Variants in ADAM19 observed in about 807,000 individuals in gnomAD.
ADAM19 encodes disintegrin and metalloproteinase domain-containing protein 19.
Under a neutral mutation model 114.7 loss-of-function variants are expected in ADAM19, and 65 were observed. That is an observed-to-expected ratio of 0.57 (90% confidence interval 0.46 to 0.70). The LOEUF (loss-of-function observed/expected upper bound fraction) is 0.70, where lower values mean the gene tolerates loss of function less well. Among genes scored for constraint, ADAM19 ranks in the 30% least tolerant of loss-of-function variants. The pLI, the probability that ADAM19 is intolerant of heterozygous loss-of-function variation, is 0.00. For missense variants in ADAM19, 1,063 were observed against 1,204.7 expected (o/e 0.88, Z 1.74); for synonymous variants, 466 against 460.5 (o/e 1.01, Z -0.15).
chr5:157,575,199 ATGCTCGGCGTTGGCGAG>A (rs1757938116), intron 1 of ADAM19, among the ~76,000 whole-genome samples: 1 of 152,164 alleles, frequency 6.6e-6, no homozygotes, highest in Non-Finnish European at 1.5e-5. Context: ...GGCGCTCGGG[ATGCTCGGCGTTGGCGAG>A]TGCAGCGGGC....
chr5:157,505,290 G>A (rs1233548748), intron 11 of ADAM19, among the ~76,000 whole-genome samples: 1 of 152,062 alleles, frequency 6.6e-6, no homozygotes, highest in Non-Finnish European at 1.5e-5. Flanking sequence ...GTGAAGCCTG[G>A]AATTGAAACA....
chr5:157,558,694 G>C lies in ADAM19; in HGVS notation c.251+5679C>G, dbSNP rs149650741. ...GGAGGAAGCTGGGAGGGTGGAGGTGGGGAGAGCTCCACTGCCTAAGTGGTA... is the reference window on the plus strand; with the variant it reads ...GGAGGAAGCTGGGAGGGTGGAGGTGCGGAGAGCTCCACTGCCTAAGTGGTA... On this transcript the variant is annotated intron_variant, in intron 3 of 22. Transcript: ENST00000257527. Among the ~76,000 whole-genome samples, 660 of 152,248 alleles carry C rather than the reference G, an allele frequency of 4.3e-3. 5 individuals carry two copies. The highest frequency in any genetic ancestry group is 0.015 in the African/African-American group (615 of 41,526).
In ADAM19 at chr5:157,480,858, C is replaced by G. The variant is rs901887683; in HGVS notation, c.*91G>C. The G allele has an allele frequency of 1.3e-6, 2 of 1,591,918 alleles. No individual in the cohort carries two copies. Among genetic ancestry groups the G allele is most frequent in the African/African-American group, 1.3e-5 (1 of 74,274 alleles). ...GAGGAGGGTGGGAGGAGCTCAGAGG[C>G]GGCCAGACATGCTTCTTCAGGGTTC... On this transcript the variant is annotated 3_prime_UTR_variant, in exon 23 of 23. Coordinates refer to ENST00000257527, the MANE Select transcript of ADAM19 (RefSeq NM_033274.5).
In ADAM19 at chr5:157,512,556, G is replaced by T. The variant is rs568239375; in HGVS notation, c.738+878C>A. On this transcript the variant is annotated intron_variant, in intron 8 of 22. Coordinates refer to ENST00000257527, the MANE Select transcript of ADAM19 (RefSeq NM_033274.5). The stretch of plus-strand genomic sequence containing the variant: ...ACTACTAGCCTACCAAGAGGCTACT[G>T]TCATTCTAGGTTACCTATTCTGCAT... Among the ~76,000 whole-genome samples, 85 of 152,136 alleles carry T rather than the reference G, an allele frequency of 5.6e-4. 1 individual carries two copies. Among genetic ancestry groups the T allele is most frequent in the Non-Finnish European group, 1.0e-3 (70 of 68,030 alleles).
chr5:157,496,922 C>T lies in ADAM19; in HGVS notation c.1566G>A (p.Gln522=), dbSNP rs1333928274. The T allele has an allele frequency of 2.5e-6, 4 of 1,593,806 alleles. No homozygotes were observed. Among genetic ancestry groups the T allele is most frequent in the East Asian group, 2.3e-5 (1 of 43,120 alleles). The change falls in exon 14 of 23, where the codon CAG becomes CAA. Residue 522 remains glutamine (Q), a synonymous_variant. Coordinates refer to ENST00000257527, the MANE Select transcript of ADAM19 (RefSeq NM_033274.5). ...GTCCCCACAGCTGCTGGCACTGCTC[C>T]TGGTAGGTGAGGCACATGCCGTTGT... ...YCYNGMCLTY[Q]EQCQQLWGPG... is the part of the protein sequence containing the mutation.
chr5:157,564,562 T>C (rs1757600969), intron 2 of ADAM19, 119 bp from the exon 3 acceptor site: 1 of 834,082 alleles, frequency 1.2e-6, no homozygotes, highest in African/African-American at 1.7e-5. Context: ...TGAGCAAAGG[T>C]CAATTGCATT....
At chr5:157,539,710 G>A (rs1756866136) in intron 3 of ADAM19, among the ~76,000 whole-genome samples, 1 of 152,208 alleles carries the variant, frequency 6.6e-6, no homozygotes, top group East Asian at 1.9e-4. Flanking sequence ...GCCAGAATCT[G>A]TCTCCCAGTC....
At chr5:157,503,816 G>A (rs1755645910) in intron 11 of ADAM19, among the ~76,000 whole-genome samples, 1 of 152,208 alleles carries the variant, frequency 6.6e-6, no homozygotes, top group Admixed American at 6.5e-5. Flanking sequence ...TCTCATTGCT[G>A]TTCTAAGGAT....
At chr5:157,490,529 G>T in intron 18 of ADAM19, 75 bp from the exon 19 acceptor site, 2 of 1,525,006 alleles carry the variant, frequency 1.3e-6, no homozygotes, top group Non-Finnish European at 1.8e-6. Flanking sequence ...AGGTATTCGT[G>T]CTTCTTCTTC....
chr5:157,502,444 T>C (rs1282299431), intron 12 of ADAM19, among the ~76,000 whole-genome samples: 2 of 152,214 alleles, frequency 1.3e-5, no homozygotes, highest in African/African-American at 2.4e-5. Context: ...TTCAAGCCCA[T>C]ATATCTGGCT....
At chr5:157,534,585 G>C (rs552866024) in intron 4 of ADAM19, among the ~76,000 whole-genome samples, 106 of 152,328 alleles carry the variant, frequency 7.0e-4, no homozygotes, top group African/African-American at 2.5e-3. Context: ...TTGAAGCTAG[G>C]AGTTTGAGGC....
chr5:157,498,385 G>A (rs1209265271), intron 13 of ADAM19, among the ~76,000 whole-genome samples: 2 of 152,236 alleles, frequency 1.3e-5, no homozygotes, highest in African/African-American at 4.8e-5. Flanking sequence ...ACACATCCCA[G>A]CTCCTTAACC....
At chr5:157,569,142 A>G (rs1419655385) in intron 2 of ADAM19, 1 of 152,072 alleles carries the variant, frequency 6.6e-6, no homozygotes, top group Non-Finnish European at 1.5e-5. Context: ...CTTTTCCTGA[A>G]GCTATTTTCA....
In ADAM19 at chr5:157,565,701, A is replaced by ACT. The variant is rs200742580; in HGVS notation, c.181-1260_181-1259dup. 2.4e-4 allele frequency among the ~76,000 whole-genome samples: 33 copies of ACT among 136,216 alleles called. No individual in the cohort carries two copies. In the East Asian group the frequency reaches 5.5e-3, roughly 23 times the overall value. The allele number at this position is 136,216 out of a possible 152,430, so 89.4% of individuals were successfully genotyped here. On this transcript the variant is annotated intron_variant, in intron 2 of 22. Transcript: ENST00000257527. Reference sequence around the variant, plus strand: ...TCCAGCCTGGGTGACAGAGCGAGACACTCTCTCTCAAAAAAAAAAAAAAAT... The same window carrying ACT: ...TCCAGCCTGGGTGACAGAGCGAGACACTCTCTCTCTCAAAAAAAAAAAAAAAT...
intron 11 of ADAM19, among the ~76,000 whole-genome samples, chr5:157,504,944 C>A (rs1236799807): frequency 2.0e-5 from 3 of 151,724 alleles, no homozygotes; most frequent in Non-Finnish European, 2.9e-5. Flanking sequence ...ATGGTGAAAC[C>A]CTGTCTCTAC....
intron 3 of ADAM19, among the ~76,000 whole-genome samples, chr5:157,540,644 G>A (rs1012037539): frequency 6.6e-6 from 1 of 152,180 alleles, no homozygotes; most frequent in Non-Finnish European, 1.5e-5. Flanking sequence ...CAAGCAGGCA[G>A]TACATGTGCA....
At chr5:157,508,013 T>A (rs1340183471) in intron 9 of ADAM19, among the ~76,000 whole-genome samples, 1 of 152,236 alleles carries the variant, frequency 6.6e-6, no homozygotes, top group Non-Finnish European at 1.5e-5. Context: ...TAGCACAGAA[T>A]CTCACACATA....
chr5:157,513,528 T>C (rs1350613335), intron 7 of ADAM19, 23 bp from the exon 8 acceptor site: 4 of 1,608,948 alleles, frequency 2.5e-6, no homozygotes, highest in South Asian at 2.2e-5. Context: ...AGCAGAACCA[T>C]GTGAGATCCC....
chr5:157,527,697 C>T (rs1011625021), intron 5 of ADAM19, among the ~76,000 whole-genome samples: 1 of 152,074 alleles, frequency 6.6e-6, no homozygotes, highest in Non-Finnish European at 1.5e-5. Flanking sequence ...TACATATCTA[C>T]GTTCTTTTTT....
Sources: allele counts gnomAD v4.1 joint callset (sites outside exome capture counted in the v4.1 genomes callset), GRCh38; gene constraint gnomAD v4.1.1; transcripts MANE v1.5; gene names NCBI Gene and HGNC (gene_info 2026-07-23, HGNC 2026-07-21).